Variants in IKZF3 observed in about 807,000 individuals in gnomAD.
IKZF3 encodes zinc finger protein Aiolos.
A neutral mutation model predicts 49.0 loss-of-function variants in IKZF3; 10 were observed. That is an observed-to-expected ratio of 0.20 (90% CI 0.13 to 0.35). The LOEUF (loss-of-function observed/expected upper bound fraction) is 0.35. Ranked by LOEUF, IKZF3 falls within the 10% of genes least tolerant of loss-of-function variation. IKZF3 has a pLI of 1.00. For synonymous variants in IKZF3, 209 were observed against 228.2 expected, an observed-to-expected ratio of 0.92 and a Z score of 0.76; for missense variants, 498 against 664.8, an observed-to-expected ratio of 0.75 and a Z score of 2.76.
At chr17:39,768,816 C>A (rs377127409) in intron 7 of IKZF3, among the ~76,000 whole-genome samples, 2 of 151,908 alleles carry the variant, frequency 1.3e-5, no homozygotes, top group Admixed American at 6.6e-5. Flanking sequence ...CTAACATAAA[C>A]GGAAAACCAG....
rs1488636913 is a variant in IKZF3, at chr17:39,774,537, C to T, written c.826+3114G>A. On this transcript the variant is annotated intron_variant, in intron 7 of 7. Transcript: ENST00000346872. ...GTGTCACAAATAATGTTCCTTTCTC[C>T]CTCCGTTGACATTACTATTTTCTAT... is the stretch of plus-strand genomic sequence containing the variant. 2.0e-5 allele frequency among the ~76,000 whole-genome samples: 3 copies of T among 152,096 alleles called. No individual in the cohort carries two copies. The East Asian group carries it at 5.8e-4, about 29-fold the overall frequency.
intron 7 of IKZF3, 61 bp downstream of exon 7, chr17:39,777,590 C>T (rs2143720089): frequency 8.6e-7 from 1 of 1,166,366 alleles, no homozygotes; most frequent in Middle Eastern, 1.9e-4. Flanking sequence ...TAGCAAGCAT[C>T]CTATGTTATT....
chr17:39,832,409 T>A (rs1291532741), intron 1 of IKZF3, among the ~76,000 whole-genome samples: 1 of 151,884 alleles, frequency 6.6e-6, no homozygotes, highest in East Asian at 1.9e-4. Context: ...AAAAAGTGGG[T>A]TCCATTAGAA....
chr17:39,768,321 T>A (rs1254869517), intron 7 of IKZF3, among the ~76,000 whole-genome samples: 15 of 152,130 alleles, frequency 9.9e-5, no homozygotes, highest in African/African-American at 3.4e-4. Context: ...GAATTTAGAT[T>A]TTCAGAGAAG....
At chr17:39,863,938 G>T (rs2063290286) in intron 1 of IKZF3, among the ~76,000 whole-genome samples, 182 bp downstream of exon 1, 1 of 152,204 alleles carries the variant, frequency 6.6e-6, no homozygotes, top group African/African-American at 2.4e-5. Flanking sequence ...AAGGGCGGGG[G>T]AAGGACAAGT....
chr17:39,772,512 T>G (rs994789332), intron 7 of IKZF3, among the ~76,000 whole-genome samples: 1 of 152,186 alleles, frequency 6.6e-6, no homozygotes, highest in African/African-American at 2.4e-5. Context: ...CCAACCATCA[T>G]CATGGCTCTG....
chr17:39,796,739 G>C (rs2061173552), intron 3 of IKZF3, among the ~76,000 whole-genome samples: 1 of 149,626 alleles, frequency 6.7e-6, no homozygotes, highest in Non-Finnish European at 1.5e-5. Flanking sequence ...GTAGAGACGG[G>C]GTTTCACCAT....
intron 3 of IKZF3, among the ~76,000 whole-genome samples, chr17:39,805,820 A>G (rs1252600088): frequency 6.6e-6 from 1 of 152,252 alleles, no homozygotes; most frequent in Admixed American, 6.5e-5. Context: ...CTGCAGAGGG[A>G]ATATTGTCTG....
intron 6 of IKZF3, chr17:39,778,337 G>A (rs2060643184): frequency 2.0e-5 from 4 of 198,180 alleles, no homozygotes; most frequent in South Asian, 3.5e-4. Context: ...GCTCCTCTCA[G>A]TTCCTATCTT....
At chr17:39,771,837 T>C (rs1237409903) in intron 7 of IKZF3, among the ~76,000 whole-genome samples, 1 of 151,958 alleles carries the variant, frequency 6.6e-6, no homozygotes, top group Non-Finnish European at 1.5e-5. Flanking sequence ...CCTCCTGGGC[T>C]CAAGTGATAC....
intron 7 of IKZF3, among the ~76,000 whole-genome samples, chr17:39,771,090 T>G (rs1459696808): frequency 1.3e-5 from 2 of 152,228 alleles, no homozygotes; most frequent in Non-Finnish European, 2.9e-5. Flanking sequence ...AACCAGGATG[T>G]AATCCAAGAG....
intron 3 of IKZF3, among the ~76,000 whole-genome samples, chr17:39,810,082 T>A (rs2061515998): frequency 6.6e-6 from 1 of 152,276 alleles, no homozygotes; most frequent in South Asian, 2.1e-4. Flanking sequence ...AAATTTCACA[T>A]ACTATTGATT....
intron 1 of IKZF3, among the ~76,000 whole-genome samples, chr17:39,850,246 T>C (rs2062769872): frequency 7.0e-6 from 1 of 141,916 alleles, no homozygotes; most frequent in South Asian, 2.1e-4. Flanking sequence ...ATATAGTATA[T>C]ACAATATATA....
intron 6 of IKZF3, among the ~76,000 whole-genome samples, chr17:39,787,815 G>T (rs774741353): frequency 6.6e-6 from 1 of 152,166 alleles, no homozygotes; most frequent in African/African-American, 2.4e-5. Context: ...ATTTCACTCA[G>T]AGTAAAAGCC....
chr17:39,819,077 T>C (rs910694964), intron 3 of IKZF3, among the ~76,000 whole-genome samples: 2 of 152,140 alleles, frequency 1.3e-5, no homozygotes, highest in African/African-American at 4.8e-5. Context: ...GGCGATACTA[T>C]TGTATGGGTT....
chr17:39,834,126 T>C (rs557164611), intron 1 of IKZF3, among the ~76,000 whole-genome samples: 3 of 152,320 alleles, frequency 2.0e-5, no homozygotes, highest in South Asian at 4.1e-4. Flanking sequence ...GTTTTTCTCA[T>C]GATTAGACTG....
chr17:39,840,768 C>T (rs1405789818), intron 1 of IKZF3, among the ~76,000 whole-genome samples: 1 of 152,156 alleles, frequency 6.6e-6, no homozygotes, highest in Non-Finnish European at 1.5e-5. Flanking sequence ...TGTCAAAATC[C>T]AAGCTGGATG....
At chr17:39,791,694 T>C (rs2061026205) in intron 4 of IKZF3, 111 bp from the exon 5 acceptor site, 6 of 1,029,248 alleles carry the variant, frequency 5.8e-6, no homozygotes, top group East Asian at 4.9e-5. Flanking sequence ...ACTGTTCACA[T>C]TGGGATCAGT....
intron 1 of IKZF3, among the ~76,000 whole-genome samples, chr17:39,859,453 C>T (rs2063157190): frequency 6.6e-6 from 1 of 151,370 alleles, no homozygotes; most frequent in African/African-American, 2.4e-5. Flanking sequence ...CAGTGGCATG[C>T]TCATGGCTCA....
Sources: allele counts gnomAD v4.1 joint callset (sites outside exome capture counted in the v4.1 genomes callset), GRCh38; gene constraint gnomAD v4.1.1; transcripts MANE v1.5; gene names NCBI Gene and HGNC (gene_info 2026-07-23, HGNC 2026-07-21).